The following TENM3 variants were observed in gnomAD, a reference collection of about 807,000 sequenced individuals.
The protein encoded by TENM3 is teneurin-3.
In TENM3, 63 loss-of-function variants were observed where a neutral mutation model predicts 255.1. That is an observed-to-expected ratio of 0.25 (90% CI 0.20 to 0.30). The LOEUF (loss-of-function observed/expected upper bound fraction) is 0.30. TENM3 is among the 10% of genes least tolerant of loss of function. TENM3 has a pLI of 1.00. For synonymous variants in TENM3, 1,306 were observed against 1,322.3 expected (o/e 0.99, Z 0.27); for missense variants, 2,929 against 3,461.1 (o/e 0.85, Z 3.86).
chr4:182,645,659 A>G (rs1752679611), intron 5 of TENM3, among the ~76,000 whole-genome samples: 1 of 152,124 alleles, frequency 6.6e-6, no homozygotes, highest in Non-Finnish European at 1.5e-5. Flanking sequence ...ATGTGCTTCC[A>G]AGCTCACACA....
At chr4:182,725,794 C>T (rs932835218) in intron 13 of TENM3, among the ~76,000 whole-genome samples, 3 of 152,046 alleles carry the variant, frequency 2.0e-5, no homozygotes, top group Admixed American at 2.0e-4. Flanking sequence ...CACCACCACG[C>T]CCCTCTAATT....
the TENM3 span, among the ~76,000 whole-genome samples, chr4:182,119,330 T>TAG: frequency 6.6e-6 from 1 of 152,162 alleles, no homozygotes; most frequent in African/African-American, 2.4e-5. Context: ...GAAGAACTGG[T>TAG]AGAGCTCTTA....
intron 3 of TENM3, among the ~76,000 whole-genome samples, chr4:182,564,927 A>T (rs530469417): frequency 6.6e-6 from 1 of 152,314 alleles, no homozygotes; most frequent in South Asian, 2.1e-4. Context: ...TCATTACAAC[A>T]TGACAGTATA....
chr4:182,688,048 G>T, intron 11 of TENM3, 118 bp from the exon 12 acceptor site: 1 of 932,446 alleles, frequency 1.1e-6, no homozygotes, highest in Non-Finnish European at 1.6e-6. Context: ...GATTTCTTTT[G>T]GATGATTTTG....
chr4:182,056,541 C>A, the TENM3 span, among the ~76,000 whole-genome samples: 259 of 152,228 alleles, frequency 1.7e-3, 1 homozygote, highest in South Asian at 4.3e-3. Flanking sequence ...TTGCATTTTA[C>A]ACAGGATAAA....
chr4:182,612,253 C>T (rs947236529), intron 4 of TENM3, among the ~76,000 whole-genome samples: 1 of 143,400 alleles, frequency 7.0e-6, no homozygotes, highest in African/African-American at 2.6e-5. Context: ...GCCTACGCAA[C>T]AGAGCGAGAC....
chr4:182,600,923 G>GAT lies in TENM3; in HGVS notation c.512_513insTA (p.Glu171AspfsTer39). The GAT allele has an allele frequency of 3.4e-6, 2 of 594,170 alleles. No individual in the cohort carries two copies. The highest frequency in any genetic ancestry group is 3.1e-5 in the South Asian group (1 of 32,082). The allele number at this position is 594,170 out of a possible 1,614,324, so 36.8% of individuals were successfully genotyped here. ...TTTTTTTTTTTTTTTTTTTTTTTCA[G>GAT]AGCAACCTGCAAGCAATCAAGGCCA... On this transcript the variant is annotated frameshift_variant and splice_region_variant. Coordinates refer to ENST00000511685, the MANE Select transcript of TENM3 (RefSeq NM_001080477.4). LOFTEE classifies it high-confidence loss of function.
the TENM3 span, among the ~76,000 whole-genome samples, chr4:181,970,665 G>A: frequency 6.6e-6 from 1 of 152,054 alleles, no homozygotes; most frequent in Non-Finnish European, 1.5e-5. Flanking sequence ...GGGTTCCAGA[G>A]GCCATGTGGA....
At chr4:181,621,894 G>GAGA in the TENM3 span, among the ~76,000 whole-genome samples, 9 of 152,176 alleles carry the variant, frequency 5.9e-5, no homozygotes, top group Non-Finnish European at 1.0e-4. Flanking sequence ...CTGTGAGAAT[G>GAGA]AGAATGAAAG....
chr4:182,560,024 A>T (rs1479765005), intron 3 of TENM3, among the ~76,000 whole-genome samples: 1 of 151,860 alleles, frequency 6.6e-6, no homozygotes, highest in Non-Finnish European at 1.5e-5. Flanking sequence ...CTTCTCATGT[A>T]CCCCACAAAT....
chr4:182,137,342 C>A, the TENM3 span, among the ~76,000 whole-genome samples: 27 of 151,688 alleles, frequency 1.8e-4, no homozygotes, highest in Middle Eastern at 3.2e-3. Context: ...CTCCCCCCCC[C>A]CAAAAAGGAA....
the TENM3 span, among the ~76,000 whole-genome samples, chr4:181,729,120 C>T: frequency 1.3e-5 from 2 of 152,116 alleles, no homozygotes; most frequent in Admixed American, 1.3e-4. Flanking sequence ...TTAATAAATG[C>T]TGTGATGTCC....
chr4:182,348,994 G>C (rs978674657), intron 3 of TENM3, among the ~76,000 whole-genome samples: 1 of 152,180 alleles, frequency 6.6e-6, no homozygotes, highest in Non-Finnish European at 1.5e-5. Context: ...GGCAAGAAAA[G>C]TTGCACTCTT....
chr4:181,542,466 A>G, the TENM3 span, among the ~76,000 whole-genome samples: 1 of 152,222 alleles, frequency 6.6e-6, no homozygotes, highest in African/African-American at 2.4e-5. Context: ...AACTCTGTGA[A>G]GAATGAATTG....
chr4:181,664,276 C>T, the TENM3 span, among the ~76,000 whole-genome samples: 2 of 152,168 alleles, frequency 1.3e-5, no homozygotes, highest in South Asian at 4.2e-4. Context: ...AAGACACCAG[C>T]CTGGTCAACA....
intron 3 of TENM3, among the ~76,000 whole-genome samples, chr4:182,517,381 T>A (rs1428251931): frequency 3.1e-5 from 1 of 32,048 alleles, no homozygotes; most frequent in Non-Finnish European, 5.8e-5. Flanking sequence ...AGTTCATTCT[T>A]TTTTTTTTTT....
chr4:181,699,472 A>AAAAAT, the TENM3 span, among the ~76,000 whole-genome samples: 1 of 133,000 alleles, frequency 7.5e-6, no homozygotes, highest in African/African-American at 3.0e-5. Context: ...AAAAAAAAAA[A>AAAAAT]GAAAGAAAGA....
chr4:181,898,555 T>C, the TENM3 span, among the ~76,000 whole-genome samples: 1 of 152,190 alleles, frequency 6.6e-6, no homozygotes, highest in South Asian at 2.1e-4. Context: ...CTGAAATGTA[T>C]ACTGCTATAT....
the TENM3 span, among the ~76,000 whole-genome samples, chr4:181,453,999 G>A: frequency 1.3e-5 from 2 of 152,170 alleles, no homozygotes; most frequent in African/African-American, 4.8e-5. Context: ...TGTAAAATAG[G>A]AATAAAAATA....
Sources: gnomAD v4.1 joint callset for allele counts (sites outside exome capture counted in the v4.1 genomes callset) on GRCh38, gnomAD v4.1.1 for gene constraint, MANE v1.5 for transcripts, NCBI Gene and HGNC (gene_info 2026-07-23, HGNC 2026-07-21) for gene names.